SNRPN: variants seen among roughly 807,000 people sequenced by gnomAD.
The protein encoded by SNRPN is small nuclear ribonucleoprotein-associated protein N.
SNRPN carries 7 observed loss-of-function variants against 25.2 expected under a neutral mutation model. That is an observed-to-expected ratio of 0.28 (90% CI 0.16 to 0.52). SNRPN has a LOEUF of 0.52. SNRPN is among the 20% of genes least tolerant of loss of function. The pLI, the probability that SNRPN is intolerant of heterozygous loss-of-function variation, is 0.96. For missense variants in SNRPN, 196 were observed against 322.5 expected (o/e 0.61, Z 3.00); for synonymous variants, 124 against 110.6 (o/e 1.12, Z -0.76).
At chr15:24,843,832 G>A (rs1335347207) in intron 2 of SNRPN, among the ~76,000 whole-genome samples, 2 of 127,326 alleles carry the variant, frequency 1.6e-5, no homozygotes, top group Non-Finnish European at 3.5e-5. Context: ...ACTTAGCTAG[G>A]CGTGGTGGCA....
chr15:24,952,018 T>C (rs1009430075), upstream of SNRPN, among the ~76,000 whole-genome samples: 1 of 152,166 alleles, frequency 6.6e-6, no homozygotes. Flanking sequence ...TGTTGCCTAA[T>C]TCAAGGTTAC....
At chr15:24,881,121 G>T (rs565842708) in intron 1 of SNRPN, among the ~76,000 whole-genome samples, 1 of 152,228 alleles carries the variant, frequency 6.6e-6, no homozygotes, top group African/African-American at 2.4e-5. Flanking sequence ...TGGAAGATAG[G>T]CAGGTGTTCA....
intron 2 of SNRPN, among the ~76,000 whole-genome samples, chr15:24,841,460 A>G (rs2051699957): frequency 6.6e-6 from 1 of 152,122 alleles, no homozygotes; most frequent in South Asian, 2.1e-4. Flanking sequence ...TTTGTTCCCA[A>G]ACCTCCCAAT....
chr15:24,942,614 T>C (rs2061621719), intron 3 of SNRPN, among the ~76,000 whole-genome samples: 1 of 152,212 alleles, frequency 6.6e-6, no homozygotes, highest in Non-Finnish European at 1.5e-5. Flanking sequence ...GACAGAAGCA[T>C]TGCATGCAGT....
At chr15:24,884,021 A>G (rs2056969502) in intron 1 of SNRPN, among the ~76,000 whole-genome samples, 2 of 130,698 alleles carry the variant, frequency 1.5e-5, no homozygotes, top group Non-Finnish European at 3.2e-5. Flanking sequence ...AAAAAAAAAA[A>G]GAATGTAGGG....
At chr15:24,890,220 A>C (rs1373016478) in intron 2 of SNRPN, among the ~76,000 whole-genome samples, 3 of 152,082 alleles carry the variant, frequency 2.0e-5, no homozygotes, top group Admixed American at 1.3e-4. Flanking sequence ...ACCTGTCCTG[A>C]AAGTAGGTCA....
chr15:24,875,803 C>T (rs1249386449), intron 1 of SNRPN, among the ~76,000 whole-genome samples: 1 of 152,032 alleles, frequency 6.6e-6, no homozygotes, highest in Non-Finnish European at 1.5e-5. Flanking sequence ...CCTGTAATCC[C>T]AGCACTTTGG....
At chr15:24,954,783 C>CT, upstream of SNRPN, 3 of 559,514 alleles carry the variant, frequency 5.4e-6, no homozygotes, top group Non-Finnish European at 6.4e-6. Flanking sequence ...CTTATGGTTT[C>CT]TAGAGGCCCC....
chr15:24,884,444 CAG>C (rs776877592), intron 1 of SNRPN, among the ~76,000 whole-genome samples: 11 of 152,084 alleles, frequency 7.2e-5, no homozygotes, highest in Admixed American at 2.6e-4. Flanking sequence ...TATAAATGCA[CAG>C]AGAGGAAAGG....
At chr15:24,953,872 A>G (rs2062474681), upstream of SNRPN, among the ~76,000 whole-genome samples, 1 of 152,112 alleles carries the variant, frequency 6.6e-6, no homozygotes, top group Non-Finnish European at 1.5e-5. Context: ...AGTTTCTGAG[A>G]TTTTGTTACG....
At chr15:24,938,114 G>A (rs577926259) in intron 3 of SNRPN, among the ~76,000 whole-genome samples, 3 of 140,018 alleles carry the variant, frequency 2.1e-5, no homozygotes, top group African/African-American at 5.3e-5. Flanking sequence ...CTTCTAATTC[G>A]TTTTTTTTTT....
chr15:24,907,415 G>T (rs1423228523), intron 2 of SNRPN, among the ~76,000 whole-genome samples: 1 of 151,850 alleles, frequency 6.6e-6, no homozygotes, highest in African/African-American at 2.4e-5. Flanking sequence ...GACTAACATG[G>T]TGAAACCCCG....
At chr15:24,868,259 G>A (rs2148523602) in intron 1 of SNRPN, among the ~76,000 whole-genome samples, 1 of 152,212 alleles carries the variant, frequency 6.6e-6, no homozygotes, top group Admixed American at 6.5e-5. Context: ...CACACTACTT[G>A]TGAACTGATA....
chr15:24,902,794 C>T (rs1008146050), intron 2 of SNRPN, among the ~76,000 whole-genome samples: 1 of 152,106 alleles, frequency 6.6e-6, no homozygotes, highest in Non-Finnish European at 1.5e-5. Flanking sequence ...GTGTTACAAG[C>T]GTTACAAGCT....
rs1566980296 is a variant in SNRPN at position 24,978,658 on chromosome 15, A to G, written c.*214A>G. The G allele has an allele frequency of 3.4e-6, 2 of 589,568 alleles. No individual in the cohort carries two copies. The highest frequency in any genetic ancestry group is 6.0e-6 in the Non-Finnish European group (2 of 333,652). The allele number at this position is 589,568 out of a possible 1,614,324, so 36.5% of individuals were successfully genotyped here. ...GTTACTGTGGATGAGGGTGATGCCT[A>G]TTAAGCAGTTGATTCAAATCATATT... On this transcript the variant is annotated 3_prime_UTR_variant, in exon 10 of 10. Transcript: ENST00000390687.
At chr15:24,976,254 A>C (rs756891312) in intron 5 of SNRPN, 51 bp from the exon 6 acceptor site, 1 of 1,303,996 alleles carries the variant, frequency 7.7e-7, no homozygotes, top group South Asian at 1.2e-5. Context: ...TATTTTGATG[A>C]GTGAGTGATC....
At chr15:24,950,839 T>TAA (rs2062206972), upstream of SNRPN, among the ~76,000 whole-genome samples, 2 of 151,116 alleles carry the variant, frequency 1.3e-5, no homozygotes, top group Admixed American at 6.6e-5. Context: ...TGAGCCCCTG[T>TAA]GCCCGGCCCC....
chr15:24,896,527 C>A (rs2058089686), intron 2 of SNRPN, among the ~76,000 whole-genome samples: 1 of 152,074 alleles, frequency 6.6e-6, no homozygotes, highest in Admixed American at 6.5e-5. Context: ...CGCCGGCTAA[C>A]ACGGTGAAAC....
intron 2 of SNRPN, among the ~76,000 whole-genome samples, chr15:24,908,328 G>T (rs139741903): frequency 6.6e-6 from 1 of 152,300 alleles, no homozygotes; most frequent in East Asian, 1.9e-4. Context: ...TGAGTAATGG[G>T]TAGAGGCTGG....
Sources: gnomAD v4.1 joint callset for allele counts (sites outside exome capture counted in the v4.1 genomes callset) on GRCh38, gnomAD v4.1.1 for gene constraint, MANE v1.5 for transcripts, NCBI Gene and HGNC (gene_info 2026-07-23, HGNC 2026-07-21) for gene names.